Variants in GPC5 observed in about 807,000 individuals in gnomAD.
GPC5 encodes the protein glypican-5.
GPC5 carries 47 observed loss-of-function variants against 53.9 expected under a neutral mutation model. That is an observed-to-expected ratio of 0.87 (90% confidence interval 0.69 to 1.11). The LOEUF is 1.11. GPC5 is among the 50% of genes most tolerant of loss of function. The pLI, the probability that GPC5 is intolerant of heterozygous loss-of-function variation, is 0.00. For synonymous variants in GPC5, 286 were observed against 263.3 expected, an observed-to-expected ratio of 1.09 and a Z score of -0.84; for missense variants, 748 against 713.1, an observed-to-expected ratio of 1.05 and a Z score of -0.56.
chr13:91,663,489 A>T (rs72643228), intron 2 of GPC5, among the ~76,000 whole-genome samples: 23,207 of 152,050 alleles, frequency 0.15, 1,968 homozygotes, highest in East Asian at 0.28. Context: ...ACAGGGTCTC[A>T]CTCTCTCATT....
intron 7 of GPC5, among the ~76,000 whole-genome samples, chr13:92,229,618 C>G (rs1355339798): frequency 6.6e-6 from 1 of 152,066 alleles, no homozygotes; most frequent in Non-Finnish European, 1.5e-5. Flanking sequence ...TTGTTTATAG[C>G]TTTCTTGTCA....
chr13:92,087,361 C>G (rs1418276676), intron 6 of GPC5, among the ~76,000 whole-genome samples: 1 of 152,128 alleles, frequency 6.6e-6, no homozygotes, highest in Non-Finnish European at 1.5e-5. Flanking sequence ...CTGATTTTCT[C>G]CATTGCATTT....
At chr13:92,086,402 C>G (rs1395250989) in intron 6 of GPC5, among the ~76,000 whole-genome samples, 1 of 152,184 alleles carries the variant, frequency 6.6e-6, no homozygotes, top group African/African-American at 2.4e-5. Context: ...TTGATCTCAT[C>G]TTCAATAACA....
chr13:91,521,880 TAAAATG>T (rs1175397489), intron 2 of GPC5, among the ~76,000 whole-genome samples: 1 of 152,256 alleles, frequency 6.6e-6, no homozygotes, highest in Non-Finnish European at 1.5e-5. Flanking sequence ...TGACTGGCTC[TAAAATG>T]GGGTTCCCAT....
chr13:91,629,911 T>C lies in GPC5; in HGVS notation c.326-63276T>C, dbSNP rs184174401. ...AAGCTAGGGCCATTCCTACACCACA[T>C]TGTAAAGGCTGGGATGTATGTTTTT... is the stretch of plus-strand genomic sequence containing the variant. On this transcript the variant is annotated intron_variant, in intron 2 of 7. Coordinates refer to ENST00000377067, the MANE Select transcript of GPC5 (RefSeq NM_004466.6). Among the ~76,000 whole-genome samples the C allele has an allele frequency of 2.6e-5, 4 of 152,246 alleles. No individual in the cohort carries two copies. In the East Asian group the frequency reaches 7.8e-4, roughly 30 times the overall value.
chr13:91,416,270 T>C (rs758756150), intron 1 of GPC5, among the ~76,000 whole-genome samples: 2 of 152,096 alleles, frequency 1.3e-5, no homozygotes, highest in Non-Finnish European at 2.9e-5. Context: ...AAAGAATAAC[T>C]AGCAAAACGC....
chr13:91,764,148 G>A lies in GPC5; in HGVS notation c.1280+7728G>A, dbSNP rs372352586. Among the ~76,000 whole-genome samples, 71 of 152,286 alleles carry A rather than the reference G, an allele frequency of 4.7e-4. 1 individual carries two copies. In the South Asian group the frequency reaches 0.015, roughly 31 times the overall value. ...GAGGGCCAACTGTAATACAGGAGAT[G>A]TTTGCAAGGACATGCACATTTTATC... On this transcript the variant is annotated intron_variant, in intron 5 of 7. Coordinates refer to ENST00000377067, the MANE Select transcript of GPC5 (RefSeq NM_004466.6).
At chr13:92,315,895 G>C (rs1438880924) in intron 7 of GPC5, among the ~76,000 whole-genome samples, 1 of 152,136 alleles carries the variant, frequency 6.6e-6, no homozygotes, top group Non-Finnish European at 1.5e-5. Flanking sequence ...TATTGAAAAA[G>C]ACTTGGTTGG....
chr13:91,973,019 G>A lies in GPC5; in HGVS notation c.1401+64962G>A, dbSNP rs551930861. On this transcript the variant is annotated intron_variant, in intron 6 of 7. Coordinates refer to ENST00000377067, the MANE Select transcript of GPC5 (RefSeq NM_004466.6). ...CTGAATCTGAATGTTGGCCTGCCTT[G>A]CTAGATTGGGGGAGTTCTCCTGGAT... Among the ~76,000 whole-genome samples the A allele has an allele frequency of 3.1e-3, 469 of 152,254 alleles. 3 individuals carry two copies. Among genetic ancestry groups the A allele is most frequent in the African/African-American group, 0.011 (450 of 41,536 alleles).
intron 6 of GPC5, among the ~76,000 whole-genome samples, chr13:92,002,390 T>C (rs998624880): frequency 6.6e-6 from 1 of 152,196 alleles, no homozygotes; most frequent in African/African-American, 2.4e-5. Context: ...TAAAATATTA[T>C]CTTTTTACAC....
intron 5 of GPC5, among the ~76,000 whole-genome samples, chr13:91,762,388 C>A (rs1384645331): frequency 6.6e-6 from 1 of 151,740 alleles, no homozygotes; most frequent in Non-Finnish European, 1.5e-5. Flanking sequence ...CCTGACCTTA[C>A]AGCATTCAAT....
intron 4 of GPC5, among the ~76,000 whole-genome samples, chr13:91,753,085 A>G (rs1375098801): frequency 6.6e-6 from 1 of 152,220 alleles, no homozygotes; most frequent in Non-Finnish European, 1.5e-5. Flanking sequence ...TACTGTGTGT[A>G]AAGCCACTGC....
At chr13:92,582,330 C>T (rs189694203) in intron 7 of GPC5, among the ~76,000 whole-genome samples, 7 of 151,854 alleles carry the variant, frequency 4.6e-5, no homozygotes, top group Admixed American at 4.6e-4. Flanking sequence ...GTTTTTGGTA[C>T]CTTTATTGAA....
intron 7 of GPC5, among the ~76,000 whole-genome samples, chr13:92,801,909 A>G (rs1010048483): frequency 2.0e-5 from 3 of 151,906 alleles, no homozygotes; most frequent in Admixed American, 6.6e-5. Flanking sequence ...TAAAAACTTT[A>G]AACAGGTATA....
At chr13:92,336,475 G>A (rs1262356769) in intron 7 of GPC5, among the ~76,000 whole-genome samples, 2 of 152,058 alleles carry the variant, frequency 1.3e-5, no homozygotes, top group Non-Finnish European at 2.9e-5. Flanking sequence ...TGTTAGCTAA[G>A]TGCTTACATT....
chr13:92,144,994 G>A lies in GPC5; in HGVS notation c.1561+5G>A. The A allele has an allele frequency of 1.4e-6, 2 of 1,431,636 alleles. No homozygotes were observed. Among genetic ancestry groups the A allele is most frequent in the Non-Finnish European group, 1.8e-6 (2 of 1,089,626 alleles). The allele number at this position is 1,431,636 out of a possible 1,614,324, so 88.7% of individuals were successfully genotyped here. On this transcript the variant is annotated splice_donor_5th_base_variant and intron_variant, in intron 7 of 7. Coordinates refer to ENST00000377067, the MANE Select transcript of GPC5 (RefSeq NM_004466.6). ...GGACACTGAAGATCACAGACTGTAAGTGTATGATTCTAACACCACTTTTTT... is the reference window on the plus strand; with the variant it reads ...GGACACTGAAGATCACAGACTGTAAATGTATGATTCTAACACCACTTTTTT...
chr13:92,793,626 T>C (rs769069436), intron 7 of GPC5, among the ~76,000 whole-genome samples: 2 of 152,036 alleles, frequency 1.3e-5, no homozygotes, highest in East Asian at 3.9e-4. Context: ...ACAAAATTGA[T>C]AGACCACTAG....
intron 2 of GPC5, among the ~76,000 whole-genome samples, chr13:91,568,834 C>T (rs2031655661): frequency 6.6e-6 from 1 of 151,598 alleles, no homozygotes; most frequent in African/African-American, 2.4e-5. Flanking sequence ...CTGCAACCTC[C>T]ACCCCCAGGG....
intron 7 of GPC5, among the ~76,000 whole-genome samples, chr13:92,716,806 T>C (rs1377167340): frequency 6.6e-6 from 1 of 152,158 alleles, no homozygotes; most frequent in East Asian, 1.9e-4. Flanking sequence ...TGAAACAAAT[T>C]CTATGCTGAA....
Sources: gnomAD v4.1 joint callset for allele counts (sites outside exome capture counted in the v4.1 genomes callset) on GRCh38, gnomAD v4.1.1 for gene constraint, MANE v1.5 for transcripts, NCBI Gene and HGNC (gene_info 2026-07-23, HGNC 2026-07-21) for gene names.